The following PLPPR1 variants were observed in gnomAD, a reference collection of about 807,000 sequenced individuals.
PLPPR1 encodes the protein phospholipid phosphatase-related protein type 1.
In PLPPR1, 10 loss-of-function variants were observed where a neutral mutation model predicts 33.1. That is an observed-to-expected ratio of 0.30 (90% CI 0.19 to 0.51). The LOEUF (loss-of-function observed/expected upper bound fraction) is 0.51, where lower values mean the gene tolerates loss of function less well. Ranked by LOEUF, PLPPR1 falls within the 20% of genes least tolerant of loss-of-function variation. The pLI is 0.97. For synonymous variants in PLPPR1, 151 were observed against 151.0 expected, an observed-to-expected ratio of 1.00 and a Z score of 0.00; for missense variants, 304 against 408.1, an observed-to-expected ratio of 0.74 and a Z score of 2.20.
At chr9:101,290,984 T>C (rs1192484408) in intron 4 of PLPPR1, among the ~76,000 whole-genome samples, 1 of 152,208 alleles carries the variant, frequency 6.6e-6, no homozygotes, top group African/African-American at 2.4e-5. Context: ...GGGCGAGGCA[T>C]TGCTTCACTC....
At chr9:101,301,071 G>A (rs1409579836) in intron 4 of PLPPR1, among the ~76,000 whole-genome samples, 1 of 152,104 alleles carries the variant, frequency 6.6e-6, no homozygotes, top group Non-Finnish European at 1.5e-5. Flanking sequence ...TTGTTCTTTT[G>A]TTTATAAAAA....
chr9:101,257,912 G>T (rs1409324644), intron 2 of PLPPR1, among the ~76,000 whole-genome samples: 2 of 151,712 alleles, frequency 1.3e-5, no homozygotes, highest in South Asian at 2.1e-4. Context: ...CATACATTAG[G>T]GTTTTAATGT....
intron 1 of PLPPR1, among the ~76,000 whole-genome samples, chr9:101,139,900 C>T (rs1008635127): frequency 2.6e-5 from 4 of 152,128 alleles, no homozygotes; most frequent in East Asian, 1.9e-4. Context: ...GACTGAGGGC[C>T]TGGAATCTAG....
In PLPPR1 at chr9:101,160,547, C is replaced by T. The variant is rs543719471; in HGVS notation, c.-45-24903C>T. On this transcript the variant is annotated intron_variant, in intron 1 of 7. Transcript: ENST00000374874. ...ATCCAAAAATAAAGACTATATATTC[C>T]GTGACATAGTATGAGTAACAAATGA... Among the ~76,000 whole-genome samples the T allele has an allele frequency of 2.0e-5, 3 of 152,150 alleles. No individual in the cohort carries two copies. In the South Asian group the frequency reaches 6.2e-4, roughly 32 times the overall value.
chr9:101,046,479 G>A lies in PLPPR1; in HGVS notation c.-46+17377G>A, dbSNP rs183550067. Among the ~76,000 whole-genome samples, 732 of 125,140 alleles carry A rather than the reference G, an allele frequency of 5.8e-3. 8 individuals carry two copies. Among genetic ancestry groups the A allele is most frequent in the African/African-American group, 0.021 (680 of 31,966 alleles). 82.1% of individuals were successfully genotyped at this position (125,140 alleles called of 152,430 possible). A position where few individuals can be genotyped will look rare whatever the true frequency, so the allele number is the denominator to read the frequency against. ...TTTTGAGACAGAGTCTCGCCATGTC[G>A]CCCAGGCTTGAGTGCAGTGGCACGA... On this transcript the variant is annotated intron_variant, in intron 1 of 7. Transcript: ENST00000374874.
intron 1 of PLPPR1, among the ~76,000 whole-genome samples, chr9:101,177,626 C>T (rs1826037913): frequency 6.6e-6 from 1 of 152,132 alleles, no homozygotes. Flanking sequence ...ACCTTTGATG[C>T]TATCAGAGTT....
At chr9:101,091,388 C>G (rs914593103) in intron 1 of PLPPR1, among the ~76,000 whole-genome samples, 3 of 152,164 alleles carry the variant, frequency 2.0e-5, no homozygotes, top group African/African-American at 7.2e-5. Context: ...GAGCCAAAGT[C>G]AAGATGTTGG....
At chr9:101,210,058 T>A (rs996905342) in intron 2 of PLPPR1, among the ~76,000 whole-genome samples, 1 of 152,260 alleles carries the variant, frequency 6.6e-6, no homozygotes, top group African/African-American at 2.4e-5. Context: ...TTTAGAATTA[T>A]AAAACCAAAT....
At chr9:101,106,051 G>T (rs1237233065) in intron 1 of PLPPR1, among the ~76,000 whole-genome samples, 3 of 151,260 alleles carry the variant, frequency 2.0e-5, no homozygotes, top group Non-Finnish European at 2.9e-5. Flanking sequence ...GTCTCTGCAT[G>T]TGAGATGGGT....
chr9:101,174,573 A>G (rs1037272103), intron 1 of PLPPR1, among the ~76,000 whole-genome samples: 2 of 152,290 alleles, frequency 1.3e-5, no homozygotes, highest in Middle Eastern at 3.4e-3. Context: ...CACAGCTTAG[A>G]AATGAAAGAG....
intron 4 of PLPPR1, among the ~76,000 whole-genome samples, chr9:101,299,150 A>C (rs1267987875): frequency 6.6e-6 from 1 of 152,238 alleles, no homozygotes; most frequent in African/African-American, 2.4e-5. Context: ...GCAGATGGAG[A>C]TAATTTCTAG....
chr9:101,237,863 T>G (rs1011436500), intron 2 of PLPPR1, among the ~76,000 whole-genome samples: 6 of 138,992 alleles, frequency 4.3e-5, no homozygotes, highest in African/African-American at 1.6e-4. Flanking sequence ...TGTATATATA[T>G]ATATACACAC....
chr9:101,074,271 G>T (rs1433334351), intron 1 of PLPPR1, among the ~76,000 whole-genome samples: 2 of 152,044 alleles, frequency 1.3e-5, no homozygotes, highest in Admixed American at 6.6e-5. Flanking sequence ...TATGACATTG[G>T]GATGTAGCAT....
At chr9:101,193,675 A>G (rs1010757391) in intron 2 of PLPPR1, among the ~76,000 whole-genome samples, 4 of 152,206 alleles carry the variant, frequency 2.6e-5, no homozygotes, top group African/African-American at 9.6e-5. Flanking sequence ...ATAAAACTGG[A>G]GTACTGAAAA....
At chr9:101,110,904 A>T (rs1831047846) in intron 1 of PLPPR1, among the ~76,000 whole-genome samples, 1 of 152,188 alleles carries the variant, frequency 6.6e-6, no homozygotes. Context: ...GGGAATAACT[A>T]GGTATGTGTG....
chr9:101,070,103 C>T (rs1329906864), intron 1 of PLPPR1, among the ~76,000 whole-genome samples: 2 of 151,976 alleles, frequency 1.3e-5, no homozygotes, highest in Non-Finnish European at 2.9e-5. Context: ...TTGTCCCTAC[C>T]CCCTTCCGTA....
intron 1 of PLPPR1, among the ~76,000 whole-genome samples, chr9:101,106,154 A>G (rs374876791): frequency 1.3e-5 from 2 of 150,548 alleles, no homozygotes; most frequent in African/African-American, 5.0e-5. Context: ...TTACATTTAA[A>G]GTTAATATTG....
At chr9:101,047,915 T>A (rs1017490883) in intron 1 of PLPPR1, among the ~76,000 whole-genome samples, 11 of 152,222 alleles carry the variant, frequency 7.2e-5, no homozygotes, top group African/African-American at 2.7e-4. Flanking sequence ...GCTAAGGTAT[T>A]GCTAAGAACT....
intron 3 of PLPPR1, among the ~76,000 whole-genome samples, chr9:101,272,962 G>A (rs1409444404): frequency 6.6e-6 from 1 of 152,154 alleles, no homozygotes; most frequent in East Asian, 1.9e-4. Flanking sequence ...GGATGTTCAT[G>A]TCAGTAATAG....
Sources: gnomAD v4.1 joint callset for allele counts (sites outside exome capture counted in the v4.1 genomes callset) on GRCh38, gnomAD v4.1.1 for gene constraint, MANE v1.5 for transcripts, NCBI Gene and HGNC (gene_info 2026-07-23, HGNC 2026-07-21) for gene names.